HLCS: variants seen among roughly 807,000 people sequenced by gnomAD.
HLCS encodes the protein holocarboxylase synthetase.
Under a neutral mutation model 75.0 loss-of-function variants are expected in HLCS, and 53 were observed. That is an observed-to-expected ratio of 0.71 (90% CI 0.57 to 0.89). The LOEUF is 0.89. Ranked by LOEUF, HLCS falls within the 40% of genes least tolerant of loss-of-function variation. The pLI is 0.00. For synonymous variants in HLCS, 431 were observed against 428.6 expected (o/e 1.01, Z -0.07); for missense variants, 966 against 1,074.0 (o/e 0.90, Z 1.41).
upstream of HLCS, among the ~76,000 whole-genome samples, chr21:36,970,686 A>G (rs962717337): frequency 6.6e-6 from 1 of 151,880 alleles, no homozygotes; most frequent in South Asian, 2.1e-4. Context: ...CTTTCTAAGA[A>G]CCAAGGAACT....
Position 36,842,998 on chromosome 21 carries a change from CA to C in HLCS, c.1892+53861del, listed in dbSNP as rs2062667404. 6.6e-6 allele frequency among the ~76,000 whole-genome samples: 1 copy of C among 152,162 alleles called. No homozygotes were observed. ...TCTGAAACTGAGCAGTTCTTCCTGC[CA>C]TGTCTTATCTTCTAGACTTTGGTGG... On this transcript the variant is annotated intron_variant, in intron 6 of 10. Coordinates refer to ENST00000674895, the MANE Select transcript of HLCS (RefSeq NM_001352514.2). The surrounding 1 kb of genome is among the most constrained non-coding windows in gnomAD (Gnocchi z 4.2).
At chr21:36,868,312 C>A (rs187050174) in intron 6 of HLCS, among the ~76,000 whole-genome samples, 170 of 114,530 alleles carry the variant, frequency 1.5e-3, no homozygotes, top group Middle Eastern at 4.5e-3. Flanking sequence ...ACAGTAAGAC[C>A]CCTTCTATAT....
chr21:36,838,352 C>G (rs1216614903), intron 6 of HLCS, among the ~76,000 whole-genome samples: 1 of 151,084 alleles, frequency 6.6e-6, no homozygotes, highest in Non-Finnish European at 1.5e-5. Context: ...CTCCTAGTAC[C>G]CACATTCTGT....
Position 36,873,484 on chromosome 21 carries a change from T to A in HLCS, c.1892+23376A>T, listed in dbSNP as rs143726667. Among the ~76,000 whole-genome samples, 476 of 152,362 alleles carry A rather than the reference T, an allele frequency of 3.1e-3. 3 individuals carry two copies. Among genetic ancestry groups the A allele is most frequent in the African/African-American group, 0.011 (460 of 41,580 alleles). ...GCCCATTTTTAAATTGGAGTATTTGTCATTTTATTACTGAGTTGTAGAAGT... is the reference window on the plus strand; with the variant it reads ...GCCCATTTTTAAATTGGAGTATTTGACATTTTATTACTGAGTTGTAGAAGT... On this transcript the variant is annotated intron_variant, in intron 6 of 10. Coordinates refer to ENST00000674895, the MANE Select transcript of HLCS (RefSeq NM_001352514.2).
chr21:36,884,304 C>T (rs529911555), intron 6 of HLCS, among the ~76,000 whole-genome samples: 24 of 152,324 alleles, frequency 1.6e-4, no homozygotes, highest in Middle Eastern at 3.4e-3. Context: ...AATGGCATTA[C>T]CATGAGTGGG....
chr21:36,921,741 G>T (rs148725311), intron 5 of HLCS, among the ~76,000 whole-genome samples: 2,833 of 152,214 alleles, frequency 0.019, 49 homozygotes, highest in Middle Eastern at 0.051. Context: ...TTCACCCAGA[G>T]CCCCTGTCCC....
At chr21:36,771,404 C>T (rs1456538810) in intron 6 of HLCS, among the ~76,000 whole-genome samples, 1 of 152,174 alleles carries the variant, frequency 6.6e-6, no homozygotes. Context: ...ACATGGTTTA[C>T]TTCCTGACCC....
intron 6 of HLCS, among the ~76,000 whole-genome samples, chr21:36,818,904 T>C (rs2061742318): frequency 6.6e-6 from 1 of 152,110 alleles, no homozygotes; most frequent in Non-Finnish European, 1.5e-5. Flanking sequence ...GGCCTAATAT[T>C]GACTGGAAAT....
intron 1 of HLCS, among the ~76,000 whole-genome samples, chr21:36,964,312 T>C (rs752695437): frequency 2.0e-5 from 3 of 152,230 alleles, no homozygotes; most frequent in Non-Finnish European, 4.4e-5. Flanking sequence ...CAGACTGAGA[T>C]ATCCACCAAA....
At chr21:36,886,045 C>T (rs931042574) in intron 6 of HLCS, among the ~76,000 whole-genome samples, 4 of 151,576 alleles carry the variant, frequency 2.6e-5, no homozygotes, top group Non-Finnish European at 5.9e-5. Flanking sequence ...TCTACCCCAG[C>T]TTTTCTACCA....
chr21:36,908,965 C>T (rs530448205), intron 5 of HLCS, among the ~76,000 whole-genome samples: 16 of 152,144 alleles, frequency 1.1e-4, no homozygotes, highest in African/African-American at 3.1e-4. Flanking sequence ...GAGGCTGAGG[C>T]GGGCGGATCA....
At chr21:36,940,373 C>T (rs947892956) in intron 2 of HLCS, among the ~76,000 whole-genome samples, 8 of 151,946 alleles carry the variant, frequency 5.3e-5, no homozygotes, top group Admixed American at 2.0e-4. Flanking sequence ...GATGAGTACT[C>T]GCTCTATCAC....
At chr21:36,816,072 G>A (rs769445519) in intron 6 of HLCS, among the ~76,000 whole-genome samples, 4 of 152,070 alleles carry the variant, frequency 2.6e-5, no homozygotes, top group Non-Finnish European at 5.9e-5. Flanking sequence ...AAAGTACAAT[G>A]GCTAAGAGTA....
chr21:36,866,537 C>T (rs2063562407), intron 6 of HLCS, among the ~76,000 whole-genome samples: 6 of 152,200 alleles, frequency 3.9e-5, no homozygotes, highest in Admixed American at 3.3e-4. Flanking sequence ...TTACATCTCC[C>T]ACTCCAGTCT....
At chr21:36,787,005 A>G (rs1191175172) in intron 6 of HLCS, among the ~76,000 whole-genome samples, 1 of 152,216 alleles carries the variant, frequency 6.6e-6, no homozygotes, top group Non-Finnish European at 1.5e-5. Flanking sequence ...AGATGCGACC[A>G]TGTAGGGAGA....
At chr21:36,807,019 C>A (rs957373196) in intron 6 of HLCS, among the ~76,000 whole-genome samples, 3 of 152,228 alleles carry the variant, frequency 2.0e-5, no homozygotes, top group African/African-American at 7.2e-5. Flanking sequence ...TGGGGCTACT[C>A]ATAGCACGTC....
intron 4 of HLCS, among the ~76,000 whole-genome samples, chr21:36,933,631 G>T (rs1219497783): frequency 7.5e-6 from 1 of 132,928 alleles, no homozygotes; most frequent in African/African-American, 2.7e-5. Flanking sequence ...CTCTCCGGTG[G>T]ACAAAGCCAT....
intron 6 of HLCS, among the ~76,000 whole-genome samples, chr21:36,781,469 T>C (rs572934173): frequency 2.0e-4 from 31 of 152,328 alleles, no homozygotes; most frequent in Admixed American, 3.9e-4. Flanking sequence ...TTATGCACTA[T>C]CTTACGTATT....
chr21:36,781,241 G>A (rs1426410172), intron 6 of HLCS, among the ~76,000 whole-genome samples: 2 of 144,730 alleles, frequency 1.4e-5, no homozygotes, highest in South Asian at 2.2e-4. Context: ...TAGACAACAG[G>A]AGCGTGAAAC....
Sources: gnomAD v4.1 joint callset for allele counts (sites outside exome capture counted in the v4.1 genomes callset) on GRCh38, gnomAD v4.1.1 for gene constraint, Gnocchi (gnomAD v3.1) non-coding constraint, MANE v1.5 for transcripts, NCBI Gene and HGNC (gene_info 2026-07-23, HGNC 2026-07-21) for gene names.